The following SVIL variants were observed in gnomAD, a reference collection of about 807,000 sequenced individuals.
The protein encoded by SVIL is archvillin.
SVIL carries 101 observed loss-of-function variants against 240.4 expected under a neutral mutation model. The ratio of observed to expected loss-of-function variants is 0.42; its 90% CI spans 0.36 to 0.50. The LOEUF is 0.50. Among genes scored for constraint, SVIL ranks in the 20% least tolerant of loss-of-function variants. SVIL has a pLI of 0.01. For synonymous variants in SVIL, 999 were observed against 1,100.0 expected, an observed-to-expected ratio of 0.91 and a Z score of 1.82; for missense variants, 2,512 against 2,818.7, an observed-to-expected ratio of 0.89 and a Z score of 2.46.
intron 1 of SVIL, among the ~76,000 whole-genome samples, chr10:29,631,129 G>C (rs927509070): frequency 2.0e-5 from 3 of 152,242 alleles, no homozygotes; most frequent in African/African-American, 7.2e-5. Context: ...ACATTTTGGG[G>C]AGACTTGCCA....
At chr10:29,514,000 G>T (rs1226688971) in intron 16 of SVIL, among the ~76,000 whole-genome samples, 2 of 150,320 alleles carry the variant, frequency 1.3e-5, no homozygotes, top group African/African-American at 4.9e-5. Flanking sequence ...AAAAAAAAAA[G>T]GTGGTGATCA....
chr10:29,695,126 A>G (rs991411899), intron 1 of SVIL, among the ~76,000 whole-genome samples: 6 of 152,188 alleles, frequency 3.9e-5, no homozygotes, highest in Non-Finnish European at 5.9e-5. Flanking sequence ...CAAACTAGGA[A>G]TGAAGATGTG....
rs544474427 is a variant in SVIL at position 29,496,468 on chromosome 10, G to A, written c.3665-1287C>T. On this transcript the variant is annotated intron_variant, in intron 18 of 37. Transcript: ENST00000355867. Reference sequence around the variant, plus strand: ...AGAGGCCGTTAACTCCGCAGCTAATGAACAGGACTGACTCTGAAGGCTGGT... The same window carrying A: ...AGAGGCCGTTAACTCCGCAGCTAATAAACAGGACTGACTCTGAAGGCTGGT... 5 of 451,150 alleles carry A rather than the reference G, an allele frequency of 1.1e-5. No individual in the cohort carries two copies. In the East Asian group the frequency reaches 3.6e-4, roughly 32 times the overall value. 27.9% of individuals were successfully genotyped at this position (451,150 alleles called of 1,614,324 possible).
intron 1 of SVIL, among the ~76,000 whole-genome samples, chr10:29,732,299 T>C (rs1360894771): frequency 6.6e-6 from 1 of 152,088 alleles, no homozygotes; most frequent in African/African-American, 2.4e-5. Flanking sequence ...GTTGCTTTAG[T>C]CCATATCAAT....
chr10:29,632,499 A>G (rs184030680), intron 1 of SVIL, among the ~76,000 whole-genome samples: 153 of 151,966 alleles, frequency 1.0e-3, no homozygotes, highest in African/African-American at 3.4e-3. Flanking sequence ...TCAAAAAAAA[A>G]AAAAAGAAAA....
At chr10:29,593,968 G>C (rs977839673) in intron 1 of SVIL, among the ~76,000 whole-genome samples, 1 of 152,050 alleles carries the variant, frequency 6.6e-6, no homozygotes, top group African/African-American at 2.4e-5. Context: ...TTTTCAAGGC[G>C]GTGAAAATAC....
chr10:29,538,130 A>T (rs1234944969), intron 6 of SVIL, among the ~76,000 whole-genome samples: 2 of 152,342 alleles, frequency 1.3e-5, no homozygotes, highest in Non-Finnish European at 2.9e-5. Context: ...CCGCCTTCAC[A>T]GGGTTATGTT....
intron 29 of SVIL, among the ~76,000 whole-genome samples, chr10:29,480,125 G>A (rs1320791800): frequency 6.6e-6 from 1 of 152,166 alleles, no homozygotes; most frequent in African/African-American, 2.4e-5. Context: ...TAATGTTACA[G>A]CACCATTTGG....
At chr10:29,618,266 G>A (rs972208693) in intron 1 of SVIL, among the ~76,000 whole-genome samples, 1 of 152,178 alleles carries the variant, frequency 6.6e-6, no homozygotes, top group Non-Finnish European at 1.5e-5. Context: ...CGTAATTTTT[G>A]GGAAAGGAGG....
intron 16 of SVIL, among the ~76,000 whole-genome samples, chr10:29,517,334 G>C (rs1364068260): frequency 1.3e-5 from 2 of 152,172 alleles, no homozygotes; most frequent in Non-Finnish European, 2.9e-5. Flanking sequence ...GCTGAAGTGG[G>C]AGGATCATTT....
At chr10:29,720,627 A>G (rs1334815006) in intron 1 of SVIL, among the ~76,000 whole-genome samples, 1 of 152,232 alleles carries the variant, frequency 6.6e-6, no homozygotes, top group African/African-American at 2.4e-5. Context: ...GGGTAAATAC[A>G]TAAGAGCTTT....
chr10:29,568,294 T>C (rs74569306), intron 2 of SVIL, among the ~76,000 whole-genome samples: 12,622 of 151,648 alleles, frequency 0.083, 600 homozygotes, highest in Admixed American at 0.13. Flanking sequence ...CCAGGGTGTT[T>C]ACAAGATCAA....
At chr10:29,592,559 T>C (rs4083633) in intron 1 of SVIL, among the ~76,000 whole-genome samples, 29,662 of 152,162 alleles carry the variant, frequency 0.19, 3,772 homozygotes, top group Non-Finnish European at 0.27. Context: ...GTAATGGAGG[T>C]TTCAATGTCA....
At chr10:29,716,469 A>G (rs1564355873) in intron 1 of SVIL, among the ~76,000 whole-genome samples, 1 of 152,238 alleles carries the variant, frequency 6.6e-6, no homozygotes, top group Non-Finnish European at 1.5e-5. Context: ...CAGGAGAGGA[A>G]GGTAAGCAAA....
rs1435562619 is a variant in SVIL at position 29,457,614 on chromosome 10, TC to T, written c.*632del. ...GTTGATTCGCATAGATTCTCCAGAGTCCATGCCATTAAGTACAAATTCTTTG... is the reference window on the plus strand; with the variant it reads ...GTTGATTCGCATAGATTCTCCAGAGTCATGCCATTAAGTACAAATTCTTTG... On this transcript the variant is annotated 3_prime_UTR_variant, in exon 38 of 38. Coordinates refer to ENST00000355867, the MANE Select transcript of SVIL (RefSeq NM_021738.3). 6.6e-6 allele frequency: 1 copy of T among 152,502 alleles called. No homozygotes were observed. The highest frequency in any genetic ancestry group is 2.4e-5 in the African/African-American group (1 of 41,376). 9.4% of individuals were successfully genotyped at this position (152,502 alleles called of 1,614,324 possible).
At chr10:29,522,927 T>C (rs1950656427) in intron 15 of SVIL, among the ~76,000 whole-genome samples, 1 of 152,194 alleles carries the variant, frequency 6.6e-6, no homozygotes, top group African/African-American at 2.4e-5. Context: ...TTCTCCAAAA[T>C]AATACCTTAA....
At chr10:29,616,296 C>T (rs1282795529) in intron 1 of SVIL, among the ~76,000 whole-genome samples, 1 of 152,124 alleles carries the variant, frequency 6.6e-6, no homozygotes, top group Non-Finnish European at 1.5e-5. Flanking sequence ...TTCGGCCTCC[C>T]AAAGTGTTAG....
intron 34 of SVIL, among the ~76,000 whole-genome samples, chr10:29,463,870 T>C (rs1944566327): frequency 6.6e-6 from 1 of 152,180 alleles, no homozygotes; most frequent in African/African-American, 2.4e-5. Flanking sequence ...GTCAAGGAGT[T>C]GGTCTTTTTC....
At chr10:29,492,733 T>C (rs1157418643) in intron 21 of SVIL, among the ~76,000 whole-genome samples, 2 of 152,216 alleles carry the variant, frequency 1.3e-5, no homozygotes, top group Non-Finnish European at 2.9e-5. Flanking sequence ...CGCAGATCTA[T>C]TGATTTTATA....
Sources: gnomAD v4.1 joint callset for allele counts (sites outside exome capture counted in the v4.1 genomes callset) on GRCh38, gnomAD v4.1.1 for gene constraint, MANE v1.5 for transcripts, NCBI Gene and HGNC (gene_info 2026-07-23, HGNC 2026-07-21) for gene names.